The following PTPRC variants were observed in gnomAD, a reference collection of about 807,000 sequenced individuals.
PTPRC encodes protein tyrosine phosphatase receptor type C.
A neutral mutation model predicts 155.9 loss-of-function variants in PTPRC; 44 were observed. The observed-to-expected ratio is 0.28, with a 90% CI of 0.22 to 0.36. The LOEUF (loss-of-function observed/expected upper bound fraction) is 0.36, where lower values mean the gene tolerates loss of function less well. Ranked by LOEUF, PTPRC falls within the 10% of genes least tolerant of loss-of-function variation. PTPRC has a pLI of 1.00. For missense variants in PTPRC, 1,401 were observed against 1,564.6 expected (o/e 0.90, Z 1.76); for synonymous variants, 525 against 533.1 (o/e 0.98, Z 0.21).
intron 2 of PTPRC, among the ~76,000 whole-genome samples, chr1:198,659,352 G>A (rs1293727083): frequency 1.3e-5 from 2 of 152,072 alleles, no homozygotes; most frequent in Non-Finnish European, 2.9e-5. Context: ...CTATGCCAAG[G>A]AACAGAAGAC....
intron 26 of PTPRC, among the ~76,000 whole-genome samples, chr1:198,746,498 G>C (rs1404762546): frequency 6.6e-6 from 1 of 151,698 alleles, no homozygotes; most frequent in Non-Finnish European, 1.5e-5. Flanking sequence ...TGACTGTTGG[G>C]AGAAGATGAT....
Position 198,704,469 on chromosome 1 carries a change from C to A in PTPRC, c.659-3C>A. ...TAATTTACATTTTTTTTCTCCATTA[C>A]AGCTACTACTCCATCTAAGCCAACA... On this transcript the variant is annotated splice_polypyrimidine_tract_variant and splice_region_variant and intron_variant, in intron 7 of 32. Coordinates refer to ENST00000442510, the MANE Select transcript of PTPRC (RefSeq NM_002838.5). The A allele has an allele frequency of 1.9e-6, 3 of 1,613,932 alleles. No homozygotes were observed. Among genetic ancestry groups the A allele is most frequent in the Non-Finnish European group, 2.5e-6 (3 of 1,179,930 alleles).
chr1:198,700,152 A>G (rs1666395298), intron 5 of PTPRC: 1 of 191,726 alleles, frequency 5.2e-6, no homozygotes. Context: ...ATGAGAAAAA[A>G]AGAAAGGAAT....
intron 2 of PTPRC, among the ~76,000 whole-genome samples, chr1:198,682,542 C>T (rs942859986): frequency 5.9e-5 from 9 of 152,126 alleles, no homozygotes; most frequent in African/African-American, 1.9e-4. Context: ...AGATTAAATT[C>T]ACAGACACTC....
At chr1:198,752,166 GA>G in intron 29 of PTPRC, 82 bp from the exon 30 acceptor site, 1 of 1,456,010 alleles carries the variant, frequency 6.9e-7, no homozygotes, top group Non-Finnish European at 9.6e-7. Context: ...CACAGACAGA[GA>G]AAGAAAGGGA....
chr1:198,733,587 G>A (rs1309505619), intron 20 of PTPRC, among the ~76,000 whole-genome samples: 2 of 151,700 alleles, frequency 1.3e-5, no homozygotes, highest in Non-Finnish European at 2.9e-5. Flanking sequence ...GATAATTCTG[G>A]AAGAAGCCAG....
chr1:198,721,124 GTTT>G (rs1653866589), intron 14 of PTPRC, among the ~76,000 whole-genome samples: 2 of 152,254 alleles, frequency 1.3e-5, no homozygotes, highest in South Asian at 4.1e-4. Flanking sequence ...TCAAAAGATG[GTTT>G]TTGTTTTCTT....
rs1484547355 is a variant in PTPRC at position 198,716,789 on chromosome 1, G to A, written c.1399G>A (p.Val467Met). 6.2e-7 allele frequency: 1 copy of A among 1,613,520 alleles called. No individual in the cohort carries two copies. Among genetic ancestry groups the A allele is most frequent in the Non-Finnish European group, 8.5e-7 (1 of 1,179,912 alleles). Residue 467 changes from valine to methionine, a missense_variant, in exon 13 of 33, where the codon GTG becomes ATG. By Grantham distance (21) the Val-to-Met change is conservative (BLOSUM62 1). Coordinates refer to ENST00000442510, the MANE Select transcript of PTPRC (RefSeq NM_002838.5). ...LSLHAYIIAK[V>M]QRNGSAAMCH... is the part of the protein sequence containing the mutation. ...ATTACATGCCTACATCATTGCAAAA[G>A]TGCAACGTAATGGAAGTGCTGCAAT...
intron 22 of PTPRC, 77 bp downstream of exon 22, chr1:198,734,502 C>T (rs781432532): frequency 1.1e-4 from 136 of 1,190,462 alleles, no homozygotes; most frequent in Non-Finnish European, 1.7e-4. Flanking sequence ...TGAAAAGCCA[C>T]ATGTATCTGC....
In PTPRC at chr1:198,677,308, T is replaced by G. The variant is rs147888322; in HGVS notation, c.74-15039T>G. Among the ~76,000 whole-genome samples the G allele has an allele frequency of 2.7e-3, 413 of 152,308 alleles. 1 individual carries two copies. The highest frequency in any genetic ancestry group is 9.1e-3 in the African/African-American group (377 of 41,560). ...GTCACCTGGGGATAATGTTAAAACT[T>G]CTCAGTTTGTGAGAGAGGGCCTTCA... On this transcript the variant is annotated intron_variant, in intron 2 of 32. Coordinates refer to ENST00000442510, the MANE Select transcript of PTPRC (RefSeq NM_002838.5).
intron 29 of PTPRC, 54 bp from the exon 30 acceptor site, chr1:198,752,195 C>T: frequency 6.4e-7 from 1 of 1,559,088 alleles, no homozygotes; most frequent in African/African-American, 1.4e-5. Flanking sequence ...GGAGACTGAT[C>T]CTTTGCATAT....
intron 20 of PTPRC, 88 bp downstream of exon 20, chr1:198,732,644 A>G (rs1009470319): frequency 1.8e-6 from 2 of 1,099,888 alleles, no homozygotes; most frequent in Admixed American, 4.2e-5. Flanking sequence ...TATTATTAAA[A>G]ATATTTTGAA....
chr1:198,713,892 T>TA (rs1272854687), intron 12 of PTPRC, among the ~76,000 whole-genome samples: 1 of 152,218 alleles, frequency 6.6e-6, no homozygotes, highest in Non-Finnish European at 1.5e-5. Flanking sequence ...AGTGAAAGGC[T>TA]ATTTTTCTTC....
At chr1:198,695,369 TTAAA>T (rs1666146921) in intron 3 of PTPRC, among the ~76,000 whole-genome samples, 1 of 149,448 alleles carries the variant, frequency 6.7e-6, no homozygotes, top group Admixed American at 6.7e-5. Context: ...TTTTACCTAA[TTAAA>T]TATTTAAATT....
chr1:198,703,238 C>T (rs773854158), intron 6 of PTPRC, 60 bp from the exon 7 acceptor site: 16 of 1,607,390 alleles, frequency 1.0e-5, no homozygotes, highest in Non-Finnish European at 1.3e-5. Flanking sequence ...AAGAGTTTTT[C>T]TTTCACCTTT....
At chr1:198,709,522 T>G (rs952326520) in intron 10 of PTPRC, among the ~76,000 whole-genome samples, 165 bp from the exon 11 acceptor site, 4 of 152,168 alleles carry the variant, frequency 2.6e-5, no homozygotes, top group Admixed American at 2.0e-4. Flanking sequence ...TCATAAAAGT[T>G]GAATGTAAAA....
intron 2 of PTPRC, among the ~76,000 whole-genome samples, chr1:198,642,899 T>TCCTCCTTC (rs1662680096): frequency 9.4e-6 from 1 of 105,926 alleles, no homozygotes; most frequent in African/African-American, 3.7e-5. Context: ...TTCTTTTCTT[T>TCCTCCTTC]CTTTCTTCCT....
chr1:198,695,294 C>T (rs1019381994), intron 3 of PTPRC: 1 of 705,342 alleles, frequency 1.4e-6, no homozygotes, highest in Non-Finnish European at 1.7e-6. Flanking sequence ...ATATTTGTGC[C>T]ATTGTCTTTT....
chr1:198,733,870 G>A (rs1654507313), intron 20 of PTPRC, among the ~76,000 whole-genome samples: 1 of 151,736 alleles, frequency 6.6e-6, no homozygotes, highest in South Asian at 2.1e-4. Flanking sequence ...GAGTTGGCAG[G>A]ATATAAAATG....
Sources: gnomAD v4.1 joint callset for allele counts (sites outside exome capture counted in the v4.1 genomes callset) on GRCh38, gnomAD v4.1.1 for gene constraint, MANE v1.5 for transcripts, NCBI Gene and HGNC (gene_info 2026-07-23, HGNC 2026-07-21) for gene names.